Variants in KIRREL3 observed in about 807,000 individuals in gnomAD.
KIRREL3 encodes kin of IRRE-like protein 3.
In KIRREL3, 36 loss-of-function variants were observed where a neutral mutation model predicts 89.7. That is an observed-to-expected ratio of 0.40 (90% CI 0.31 to 0.53). The LOEUF is 0.53. Among genes scored for constraint, KIRREL3 ranks in the 20% least tolerant of loss-of-function variants. The pLI is 0.49. For missense variants in KIRREL3, 864 were observed against 1,056.6 expected, an observed-to-expected ratio of 0.82 and a Z score of 2.53; for synonymous variants, 445 against 441.4, an observed-to-expected ratio of 1.01 and a Z score of -0.10.
intron 1 of KIRREL3, among the ~76,000 whole-genome samples, chr11:126,767,309 G>A (rs1323802911): frequency 6.6e-6 from 1 of 152,162 alleles, no homozygotes; most frequent in Non-Finnish European, 1.5e-5. Flanking sequence ...GCATGCTTGG[G>A]ACAAGAGGCA....
At chr11:126,732,431 C>G (rs1434122904) in intron 1 of KIRREL3, among the ~76,000 whole-genome samples, 1 of 152,174 alleles carries the variant, frequency 6.6e-6, no homozygotes, top group African/African-American at 2.4e-5. Context: ...CAAAGCAATG[C>G]TTCATTGTTA....
rs184355840 is a variant in KIRREL3, at chr11:126,563,821, T to G, written c.56-909A>C. ...TGTGCTTTATCCTGATTCATCTTAA[T>G]CACTTTATGGATCCTGAAGCAATAG... On this transcript the variant is annotated intron_variant, in intron 1 of 16. Coordinates refer to ENST00000525144, the MANE Select transcript of KIRREL3 (RefSeq NM_032531.4). This position sits in a 1 kb window ranked among gnomAD's most constrained non-coding sequence, Gnocchi z 6.8. 1.3e-4 allele frequency among the ~76,000 whole-genome samples: 20 copies of G among 152,336 alleles called. No individual in the cohort carries two copies. The highest frequency in any genetic ancestry group is 2.6e-4 in the Admixed American group (4 of 15,304).
In KIRREL3 at chr11:126,560,850, T is replaced by C. The variant is rs540122945; in HGVS notation, c.133+1985A>G. 8.4e-4 allele frequency among the ~76,000 whole-genome samples: 128 copies of C among 152,376 alleles called. No individual in the cohort carries two copies. The Middle Eastern group carries it at 0.01, about 12-fold the overall frequency. On this transcript the variant is annotated intron_variant, in intron 2 of 16. Coordinates refer to ENST00000525144, the MANE Select transcript of KIRREL3 (RefSeq NM_032531.4). The stretch of plus-strand genomic sequence containing the variant: ...GGAGAAAAATAATTGTTTTTCCCTA[T>C]TTTACCAATTGTTCAATTTATACCA...
At chr11:126,835,315 C>T (rs1001518808) in intron 1 of KIRREL3, among the ~76,000 whole-genome samples, 5 of 152,068 alleles carry the variant, frequency 3.3e-5, no homozygotes, top group Admixed American at 6.5e-5. Context: ...TAAGGTATAG[C>T]CAAGGAATAA....
chr11:126,883,988 G>C lies in KIRREL3; in HGVS notation c.55+116467C>G, dbSNP rs1020916578. Among the ~76,000 whole-genome samples the C allele has an allele frequency of 6.6e-6, 1 of 152,138 alleles. No homozygotes were observed. Among genetic ancestry groups the C allele is most frequent in the East Asian group, 1.9e-4 (1 of 5,182 alleles). Reference sequence around the variant, plus strand: ...TGTTCCTGCAGGTATTAAAGTGGAGGGTGACTGGCCACCCGGGGAGATTGA... The same window carrying C: ...TGTTCCTGCAGGTATTAAAGTGGAGCGTGACTGGCCACCCGGGGAGATTGA... On this transcript the variant is annotated intron_variant, in intron 1 of 16. Coordinates refer to ENST00000525144, the MANE Select transcript of KIRREL3 (RefSeq NM_032531.4). This position sits in a 1 kb window ranked among gnomAD's most constrained non-coding sequence, Gnocchi z 4.1.
Position 126,989,903 on chromosome 11 carries a change from GA to G in KIRREL3, c.55+10551del, listed in dbSNP as rs1315116755. ...GAAATTAGTAATACCATCCAGAGGT[GA>G]AAACAGAGTAGCACCTCCACAGCCT... On this transcript the variant is annotated intron_variant, in intron 1 of 16. Coordinates refer to ENST00000525144, the MANE Select transcript of KIRREL3 (RefSeq NM_032531.4). This position sits in a 1 kb window ranked among gnomAD's most constrained non-coding sequence, Gnocchi z 6.2. 3.9e-5 allele frequency among the ~76,000 whole-genome samples: 6 copies of G among 152,232 alleles called. No individual in the cohort carries two copies. Among genetic ancestry groups the G allele is most frequent in the African/African-American group, 9.6e-5 (4 of 41,464 alleles).
At chr11:126,840,934 T>C (rs1002235359) in intron 1 of KIRREL3, among the ~76,000 whole-genome samples, 8 of 152,194 alleles carry the variant, frequency 5.3e-5, no homozygotes, top group Admixed American at 3.3e-4. Context: ...AGTTCTCAAA[T>C]GAGGAAGGAA....
chr11:126,437,177 T>C (rs12795076), intron 11 of KIRREL3, among the ~76,000 whole-genome samples, 168 bp from the exon 12 acceptor site: 13,663 of 152,150 alleles, frequency 0.09, 719 homozygotes, highest in Middle Eastern at 0.12. Context: ...ACCACAAATA[T>C]GCACACATGC....
rs1379756619 is a variant in KIRREL3, at chr11:126,969,081, T to C, written c.55+31374A>G. Among the ~76,000 whole-genome samples the C allele has an allele frequency of 1.3e-5, 2 of 152,070 alleles. No homozygotes were observed. Among genetic ancestry groups the C allele is most frequent in the Admixed American group, 1.3e-4 (2 of 15,270 alleles). Reference sequence around the variant, plus strand: ...CAGGCGGGGGCGTCTGAGGTTCGCGTGTGAGGGAATCAGGTGCATTGCACA... The same window carrying C: ...CAGGCGGGGGCGTCTGAGGTTCGCGCGTGAGGGAATCAGGTGCATTGCACA... On this transcript the variant is annotated intron_variant, in intron 1 of 16. Transcript: ENST00000525144. This position sits in a 1 kb window ranked among gnomAD's most constrained non-coding sequence, Gnocchi z 4.9.
rs536800426 is a variant in KIRREL3, at chr11:126,656,150, T to A, written c.56-93238A>T. 3 of 456,210 alleles carry A rather than the reference T, an allele frequency of 6.6e-6. No individual in the cohort carries two copies. The highest frequency in any genetic ancestry group is 6.0e-5 in the African/African-American group (3 of 50,184). 28.3% of individuals were successfully genotyped at this position (456,210 alleles called of 1,614,324 possible). On this transcript the variant is annotated intron_variant, in intron 1 of 16. Coordinates refer to ENST00000525144, the MANE Select transcript of KIRREL3 (RefSeq NM_032531.4). This position sits in a 1 kb window ranked among gnomAD's most constrained non-coding sequence, Gnocchi z 4.0. ...GTCTCGGGAACCAGCAACACAGATG[T>A]TCCCAGGAGCAATGTTTGCAGGTGA...
At chr11:126,894,567 A>T (rs1946068204) in intron 1 of KIRREL3, among the ~76,000 whole-genome samples, 1 of 148,916 alleles carries the variant, frequency 6.7e-6, no homozygotes. Context: ...AAAAAAAAAA[A>T]AAAGGAAAAG....
intron 1 of KIRREL3, among the ~76,000 whole-genome samples, chr11:126,851,508 A>G (rs192315536): frequency 7.6e-4 from 115 of 152,198 alleles, no homozygotes; most frequent in Admixed American, 2.2e-3. Context: ...ATGCCATGGG[A>G]GGCACTCTGG....
chr11:126,449,561 C>T (rs1955948870), intron 7 of KIRREL3, among the ~76,000 whole-genome samples: 1 of 152,198 alleles, frequency 6.6e-6, no homozygotes, highest in Admixed American at 6.5e-5. Flanking sequence ...AAGAAGGAGG[C>T]CAAGTCCATG....
At chr11:126,472,657 T>G (rs922440818) in intron 5 of KIRREL3, among the ~76,000 whole-genome samples, 1 of 149,016 alleles carries the variant, frequency 6.7e-6, no homozygotes, top group African/African-American at 2.5e-5. Context: ...CGTCTGACCA[T>G]GGCCTATTGT....
chr11:126,741,622 A>T (rs1203855437), intron 1 of KIRREL3, among the ~76,000 whole-genome samples: 1 of 152,132 alleles, frequency 6.6e-6, no homozygotes, highest in African/African-American at 2.4e-5. Context: ...TAAAAAGCAC[A>T]TAGGGGAATA....
chr11:126,506,824 C>T (rs1958034474), intron 4 of KIRREL3, among the ~76,000 whole-genome samples: 2 of 151,178 alleles, frequency 1.3e-5, no homozygotes, highest in South Asian at 4.2e-4. Flanking sequence ...TGGATTTTGC[C>T]ATGTTGGCCA....
intron 13 of KIRREL3, among the ~76,000 whole-genome samples, chr11:126,433,921 A>G (rs1043706522): frequency 2.4e-4 from 36 of 152,190 alleles, no homozygotes; most frequent in Non-Finnish European, 4.4e-4. Flanking sequence ...AGCAGCATTG[A>G]AGGTGCCTTC....
chr11:127,000,357 C>T lies in KIRREL3; in HGVS notation c.55+98G>A, dbSNP rs1385216099. Reference sequence around the variant, plus strand: ...GGCACCGAGAGACGCATCCATCAGTCCGAGTTCCCGAAGCCTGCCCACGTT... The same window carrying T: ...GGCACCGAGAGACGCATCCATCAGTTCGAGTTCCCGAAGCCTGCCCACGTT... On this transcript the variant is annotated intron_variant, in intron 1 of 16. Transcript: ENST00000525144. This position sits in a 1 kb window ranked among gnomAD's most constrained non-coding sequence, Gnocchi z 7.1. 2 of 965,726 alleles carry T rather than the reference C, an allele frequency of 2.1e-6. No individual in the cohort carries two copies. Among genetic ancestry groups the T allele is most frequent in the East Asian group, 5.6e-5 (2 of 35,648 alleles). 59.8% of individuals were successfully genotyped at this position (965,726 alleles called of 1,614,324 possible).
At chr11:126,886,483 A>G (rs778659741) in intron 1 of KIRREL3, among the ~76,000 whole-genome samples, 4 of 152,202 alleles carry the variant, frequency 2.6e-5, no homozygotes, top group Non-Finnish European at 5.9e-5. Flanking sequence ...ACCAAAGATA[A>G]ACTTCATTTT....
Sources: allele counts gnomAD v4.1 joint callset (sites outside exome capture counted in the v4.1 genomes callset), GRCh38; gene constraint gnomAD v4.1.1; non-coding constraint Gnocchi (gnomAD v3.1); transcripts MANE v1.5; gene names NCBI Gene and HGNC (gene_info 2026-07-23, HGNC 2026-07-21).